The following TENM2 variants were observed in gnomAD, a reference collection of about 807,000 sequenced individuals.
The protein encoded by TENM2 is teneurin-2.
TENM2 carries 52 observed loss-of-function variants against 245.2 expected under a neutral mutation model. The observed-to-expected ratio is 0.21, with a 90% CI of 0.17 to 0.27. The LOEUF (loss-of-function observed/expected upper bound fraction) is 0.27, where lower values mean the gene tolerates loss of function less well. Among genes scored for constraint, TENM2 ranks in the 10% least tolerant of loss-of-function variants. TENM2 has a pLI of 1.00. For missense variants in TENM2, 3,046 were observed against 3,666.8 expected (o/e 0.83, Z 4.37); for synonymous variants, 1,363 against 1,438.9 (o/e 0.95, Z 1.19).
chr5:167,600,690 G>C (rs1187641685), intron 2 of TENM2, among the ~76,000 whole-genome samples: 1 of 152,124 alleles, frequency 6.6e-6, no homozygotes, highest in African/African-American at 2.4e-5. Flanking sequence ...TCATAACCCT[G>C]TCACGCTGGG....
chr5:167,125,408 G>A, the TENM2 span, among the ~76,000 whole-genome samples: 1 of 152,210 alleles, frequency 6.6e-6, no homozygotes, highest in Non-Finnish European at 1.5e-5. Context: ...CTAAGGTTCA[G>A]GCAAGATTCA....
chr5:167,005,912 G>A, the TENM2 span, among the ~76,000 whole-genome samples: 174 of 151,768 alleles, frequency 1.1e-3, no homozygotes, highest in African/African-American at 4.0e-3. Context: ...AGCCCGCCTC[G>A]GCCTCCTATA....
intron 1 of TENM2, among the ~76,000 whole-genome samples, chr5:167,325,292 T>G (rs1757013764): frequency 6.6e-6 from 1 of 152,230 alleles, no homozygotes; most frequent in Non-Finnish European, 1.5e-5. Context: ...GAATTTATAC[T>G]CATCTATTTA....
chr5:167,100,510 C>G, the TENM2 span, among the ~76,000 whole-genome samples: 16 of 152,166 alleles, frequency 1.1e-4, no homozygotes, highest in Non-Finnish European at 2.4e-4. Context: ...CTTGAGACCA[C>G]ATTTGGGAAG....
At chr5:168,034,067 GTA>G (rs1283703519) in intron 5 of TENM2, among the ~76,000 whole-genome samples, 10 of 105,136 alleles carry the variant, frequency 9.5e-5, no homozygotes, top group South Asian at 3.9e-4. Context: ...ATATATATGT[GTA>G]TATATATGTA....
At chr5:167,932,664 C>T (rs184012739) in intron 3 of TENM2, among the ~76,000 whole-genome samples, 12 of 152,214 alleles carry the variant, frequency 7.9e-5, no homozygotes, top group East Asian at 3.9e-4. Context: ...TTCCCTCATC[C>T]GCTAAGCCAA....
chr5:167,341,208 A>C (rs1238083195), intron 1 of TENM2, among the ~76,000 whole-genome samples: 1 of 152,186 alleles, frequency 6.6e-6, no homozygotes, highest in African/African-American at 2.4e-5. Context: ...GTTCTAGTTT[A>C]ATTGTGTGAT....
chr5:167,965,145 G>A (rs1196180357), intron 4 of TENM2: 4 of 152,148 alleles, frequency 2.6e-5, no homozygotes, highest in Non-Finnish European at 4.4e-5. Flanking sequence ...TGATTGCTGG[G>A]ATTTGAAGAT....
intron 3 of TENM2, among the ~76,000 whole-genome samples, chr5:167,881,588 C>T (rs550849963): frequency 5.9e-5 from 9 of 152,198 alleles, no homozygotes; most frequent in East Asian, 1.9e-4. Flanking sequence ...GGATTTGTAC[C>T]GCACATAAGC....
At chr5:167,838,679 C>A (rs1769221111) in intron 2 of TENM2, among the ~76,000 whole-genome samples, 2 of 152,178 alleles carry the variant, frequency 1.3e-5, no homozygotes, top group Admixed American at 1.3e-4. Context: ...TCAGCCGATT[C>A]TTTGCCTACT....
At chr5:167,265,157 C>T in the TENM2 span, among the ~76,000 whole-genome samples, 1 of 150,860 alleles carries the variant, frequency 6.6e-6, no homozygotes. Context: ...GAAACCCCGT[C>T]TCTACTAAAA....
At chr5:167,940,876 A>G (rs1489113185) in intron 3 of TENM2, among the ~76,000 whole-genome samples, 2 of 152,186 alleles carry the variant, frequency 1.3e-5, no homozygotes, top group Non-Finnish European at 2.9e-5. Flanking sequence ...GTCTCTGATC[A>G]AATATCATCT....
chr5:167,840,877 C>T (rs1029658217), intron 2 of TENM2, among the ~76,000 whole-genome samples: 11 of 152,130 alleles, frequency 7.2e-5, no homozygotes, highest in Admixed American at 6.5e-5. Flanking sequence ...AACTGTGCAG[C>T]ACTCCCAGCC....
At chr5:168,143,470 GA>G (rs554853309) in intron 12 of TENM2, among the ~76,000 whole-genome samples, 4 of 152,112 alleles carry the variant, frequency 2.6e-5, no homozygotes, top group South Asian at 4.2e-4. Context: ...GAAGTGGGGG[GA>G]AAAAACCCTG....
intron 5 of TENM2, among the ~76,000 whole-genome samples, chr5:168,020,332 C>T (rs904012339): frequency 2.6e-5 from 4 of 152,186 alleles, no homozygotes; most frequent in African/African-American, 7.2e-5. Context: ...AGACCTCAAG[C>T]GAAGGTCTTG....
chr5:168,163,130 T>C (rs926587996), intron 13 of TENM2, among the ~76,000 whole-genome samples: 3 of 152,228 alleles, frequency 2.0e-5, no homozygotes, highest in African/African-American at 7.2e-5. Flanking sequence ...TCATAAGCAA[T>C]GCCTGCTGCC....
intron 2 of TENM2, among the ~76,000 whole-genome samples, chr5:167,704,445 T>A (rs1369481146): frequency 1.3e-5 from 2 of 152,158 alleles, no homozygotes; most frequent in African/African-American, 4.8e-5. Flanking sequence ...AAAATCAGTG[T>A]GTTAGGTGAA....
chr5:167,385,921 CATTG>C (rs1262069975), intron 2 of TENM2, among the ~76,000 whole-genome samples: 1 of 149,282 alleles, frequency 6.7e-6, no homozygotes, highest in Non-Finnish European at 1.5e-5. Context: ...TTTATCCACT[CATTG>C]ATTGATGGGC....
At chr5:167,718,834 C>A (rs1350491825) in intron 2 of TENM2, among the ~76,000 whole-genome samples, 1 of 151,902 alleles carries the variant, frequency 6.6e-6, no homozygotes. Flanking sequence ...ATCATTTAAC[C>A]TCTCTGAGCC....
Sources: gnomAD v4.1 joint callset for allele counts (sites outside exome capture counted in the v4.1 genomes callset) on GRCh38, gnomAD v4.1.1 for gene constraint, MANE v1.5 for transcripts, NCBI Gene and HGNC (gene_info 2026-07-23, HGNC 2026-07-21) for gene names.